The following AGBL2 variants were observed in gnomAD, a reference collection of about 807,000 sequenced individuals.
The protein encoded by AGBL2 is AGBL carboxypeptidase 2.
Under a neutral mutation model 103.0 loss-of-function variants are expected in AGBL2, and 87 were observed. The ratio of observed to expected loss-of-function variants is 0.84; its 90% CI spans 0.71 to 1.01. The LOEUF is 1.01. AGBL2 is among the 50% of genes least tolerant of loss of function. AGBL2 has a pLI of 0.00. For synonymous variants in AGBL2, 335 were observed against 356.7 expected, an observed-to-expected ratio of 0.94 and a Z score of 0.69; for missense variants, 904 against 1,023.5, an observed-to-expected ratio of 0.88 and a Z score of 1.59.
intron 7 of AGBL2, among the ~76,000 whole-genome samples, chr11:47,701,283 A>C (rs2097498155): frequency 6.6e-6 from 1 of 151,422 alleles, no homozygotes; most frequent in African/African-American, 2.4e-5. Context: ...AGCCTGACCA[A>C]CATGGTGAAA....
At chr11:47,684,228 G>A (rs1264382692) in intron 11 of AGBL2, among the ~76,000 whole-genome samples, 2 of 151,824 alleles carry the variant, frequency 1.3e-5, no homozygotes, top group Admixed American at 6.6e-5. Context: ...AGTGGAGATC[G>A]TGTTACTGCA....
chr11:47,709,361 G>A (rs562669597), intron 4 of AGBL2, among the ~76,000 whole-genome samples: 2 of 151,184 alleles, frequency 1.3e-5, no homozygotes, highest in African/African-American at 2.4e-5. Flanking sequence ...TAAGGGTAGC[G>A]GTGGAGGTTG....
Position 47,714,626 on chromosome 11 carries a change from G to A in AGBL2, c.25C>T (p.Leu9=), listed in dbSNP as rs2097545056. The A allele has an allele frequency of 6.2e-7, 1 of 1,613,620 alleles. No homozygotes were observed. MFPALETH[L]KQTIPDPYED... ...CCGTGTTGTGTACCGACCTGCTTTA[G>A]GTGCGTTTCCAAAGCTGGGAACATG... Residue 9 remains leucine (L), a synonymous_variant, in exon 2 of 19, where the codon CTA becomes TTA. Coordinates refer to ENST00000525123, the MANE Select transcript of AGBL2 (RefSeq NM_024783.4).
chr11:47,685,358 C>T (rs1034185678), intron 11 of AGBL2, among the ~76,000 whole-genome samples: 2 of 152,108 alleles, frequency 1.3e-5, no homozygotes, highest in African/African-American at 4.8e-5. Flanking sequence ...AAGCAATATG[C>T]CCACCTCGGC....
At chr11:47,714,525 T>A (rs2097544627) in intron 2 of AGBL2, 93 bp downstream of exon 2, 2 of 1,415,856 alleles carry the variant, frequency 1.4e-6, no homozygotes, top group South Asian at 2.3e-5. Context: ...CACCAGAACA[T>A]CCCTTCTCAT....
intron 12 of AGBL2, 75 bp from the exon 13 acceptor site, chr11:47,680,148 T>C: frequency 9.5e-7 from 1 of 1,053,420 alleles, no homozygotes; most frequent in Non-Finnish European, 1.4e-6. Flanking sequence ...TTTATGATTA[T>C]CTTTTTAAAA....
intron 3 of AGBL2, among the ~76,000 whole-genome samples, chr11:47,712,267 T>TC (rs899037035): frequency 2.0e-5 from 3 of 151,856 alleles, no homozygotes; most frequent in Admixed American, 1.3e-4. Context: ...CCTTGGAACC[T>TC]CCCCCCTGTA....
chr11:47,669,527 A>C (rs917848394), intron 14 of AGBL2, among the ~76,000 whole-genome samples: 88 of 152,092 alleles, frequency 5.8e-4, no homozygotes, highest in African/African-American at 2.0e-3. Context: ...TAATACAAAA[A>C]AATTATCTGG....
Position 47,667,634 on chromosome 11 carries a change from C to T in AGBL2, c.2277G>A (p.Gln759=), listed in dbSNP as rs202194321. ...KKKKSLQTRK[Q]RNEQYQKKNL... ...TTTTTTTCTGATACTGCTCATTTCG[C>T]TGTTTCCTAGTCTGAAGTGACTTCT... The change falls in exon 16 of 19, where the codon CAG becomes CAA. Residue 759 remains glutamine, a synonymous_variant. Coordinates refer to ENST00000525123, the MANE Select transcript of AGBL2 (RefSeq NM_024783.4). 1 of 1,613,866 alleles carries T rather than the reference C, an allele frequency of 6.2e-7. No individual in the cohort carries two copies. The highest frequency in any genetic ancestry group is 1.3e-5 in the African/African-American group (1 of 75,024).
chr11:47,708,073 CT>C (rs371682330), intron 4 of AGBL2, among the ~76,000 whole-genome samples: 169 of 144,014 alleles, frequency 1.2e-3, no homozygotes, highest in African/African-American at 1.4e-3. Context: ...ATTTAGTCAT[CT>C]TTTTTTTTTT....
At chr11:47,678,288 C>T (rs1027429467) in intron 13 of AGBL2, among the ~76,000 whole-genome samples, 10 of 123,926 alleles carry the variant, frequency 8.1e-5, no homozygotes, top group African/African-American at 1.7e-4. Flanking sequence ...ATGCAATACT[C>T]TATTTTATTT....
At chr11:47,714,892 T>C (rs773412734) in intron 1 of AGBL2, 142 bp from the exon 2 acceptor site, 2 of 544,320 alleles carry the variant, frequency 3.7e-6, no homozygotes, top group Non-Finnish European at 6.6e-6. Flanking sequence ...CAGAGGTGCA[T>C]CTGAGACAGG....
chr11:47,699,512 CT>C lies in AGBL2; in HGVS notation c.627del (p.Gly210GlufsTer9). On this transcript the variant is annotated frameshift_variant, in exon 8 of 19. Coordinates refer to ENST00000525123, the MANE Select transcript of AGBL2 (RefSeq NM_024783.4). LOFTEE classifies it high-confidence loss of function. ...PPQPEYFYQP[K>X]GNEKVPEIVG... ...ACAATCTCTGGTACCTTTTCATTTC[CT>C]TTAGGCTGATAGAAATATTCTGGTT... The C allele has an allele frequency of 1.2e-6, 2 of 1,609,614 alleles. No homozygotes were observed. The highest frequency in any genetic ancestry group is 1.7e-6 in the Non-Finnish European group (2 of 1,178,138).
In AGBL2 at chr11:47,690,739, A is replaced by G. The variant is rs376561600; in HGVS notation, c.968T>C (p.Val323Ala). ...AAGACTCTTGGGTTTTAGCAAGTTG[A>G]CAATGGTGAAGCGATAGGTAGCATC... is the stretch of plus-strand genomic sequence containing the variant. ...RKDATYRFTI[V>A]NLLKPKSLYT... Residue 323 changes from valine (V) to alanine (A), a missense_variant, in exon 10 of 19, where the codon GTC (valine) becomes GCC (alanine). Physicochemically the swap from Val to Ala is moderately conservative, Grantham distance 64. Coordinates refer to ENST00000525123, the MANE Select transcript of AGBL2 (RefSeq NM_024783.4). 1 of 1,614,066 alleles carries G rather than the reference A, an allele frequency of 6.2e-7. No individual in the cohort carries two copies. The highest frequency in any genetic ancestry group is 8.5e-7 in the Non-Finnish European group (1 of 1,180,042).
rs145614367 is a variant in AGBL2, at chr11:47,675,194, C to G, written c.2147+2077G>C. ...CTGCACTTACTTCCTTGAGATCCCACCAGTCTTTTTTTTTTTTTTTTTTTT... is the reference window on the plus strand; with the variant it reads ...CTGCACTTACTTCCTTGAGATCCCAGCAGTCTTTTTTTTTTTTTTTTTTTT... On this transcript the variant is annotated intron_variant, in intron 14 of 18. Transcript: ENST00000525123. Among the ~76,000 whole-genome samples, 663 of 140,512 alleles carry G rather than the reference C, an allele frequency of 4.7e-3. 5 individuals carry two copies. Among genetic ancestry groups the G allele is most frequent in the African/African-American group, 0.017 (641 of 37,846 alleles). The allele number at this position is 140,512 out of a possible 152,430, so 92.2% of individuals were successfully genotyped here. A position where few individuals can be genotyped will look rare whatever the true frequency, so the allele number is the denominator to read the frequency against.
intron 14 of AGBL2, among the ~76,000 whole-genome samples, chr11:47,676,833 A>G (rs1313493590): frequency 1.3e-5 from 2 of 151,046 alleles, no homozygotes; most frequent in African/African-American, 2.4e-5. Flanking sequence ...AAAAAAAAAA[A>G]AGAAACTAAA....
chr11:47,689,462 G>A (rs567061519), intron 10 of AGBL2, among the ~76,000 whole-genome samples: 30 of 151,984 alleles, frequency 2.0e-4, no homozygotes, highest in South Asian at 1.5e-3. Context: ...CCACCAGCAC[G>A]CCTGGCTAAT....
chr11:47,704,876 G>T (rs1425995606), intron 6 of AGBL2, 148 bp from the exon 7 acceptor site: 3 of 641,464 alleles, frequency 4.7e-6, no homozygotes, highest in African/African-American at 1.8e-5. Flanking sequence ...CCTTCAAGAA[G>T]ATTTAGTCCA....
At chr11:47,667,208 G>C in intron 16 of AGBL2, 145 bp from the exon 17 acceptor site, 3 of 644,332 alleles carry the variant, frequency 4.7e-6, no homozygotes, top group East Asian at 2.7e-5. Context: ...CTTGGACAAA[G>C]ATTGATGAGC....
Sources: gnomAD v4.1 joint callset for allele counts (sites outside exome capture counted in the v4.1 genomes callset) on GRCh38, gnomAD v4.1.1 for gene constraint, MANE v1.5 for transcripts, NCBI Gene and HGNC (gene_info 2026-07-23, HGNC 2026-07-21) for gene names.